VWA3B: variants seen among roughly 807,000 people sequenced by gnomAD.
The protein encoded by VWA3B is von Willebrand factor A domain-containing protein 3B.
In VWA3B, 138 loss-of-function variants were observed where a neutral mutation model predicts 158.3. The observed-to-expected ratio is 0.87, with a 90% CI of 0.76 to 1.00. VWA3B has a LOEUF of 1.00. Among genes scored for constraint, VWA3B ranks in the 50% least tolerant of loss-of-function variants. VWA3B has a pLI of 0.00. For missense variants in VWA3B, 1,555 were observed against 1,565.1 expected, an observed-to-expected ratio of 0.99 and a Z score of 0.11; for synonymous variants, 596 against 587.3, an observed-to-expected ratio of 1.01 and a Z score of -0.21.
intron 12 of VWA3B, among the ~76,000 whole-genome samples, chr2:98,202,086 G>T (rs1682594513): frequency 6.6e-6 from 1 of 152,102 alleles, no homozygotes; most frequent in Non-Finnish European, 1.5e-5. Context: ...GTACAGAATT[G>T]ATATGATTTT....
At chr2:98,182,155 A>C (rs1226981167) in intron 9 of VWA3B, among the ~76,000 whole-genome samples, 4 of 152,238 alleles carry the variant, frequency 2.6e-5, no homozygotes, top group Non-Finnish European at 4.4e-5. Context: ...CGCAGCCCAG[A>C]GGAGACACCT....
chr2:98,250,585 T>G lies in VWA3B; in HGVS notation c.2792+149T>G, dbSNP rs572416698. The G allele has an allele frequency of 4.7e-6, 3 of 635,764 alleles. No homozygotes were observed. In the South Asian group the frequency reaches 6.9e-5, roughly 15 times the overall value. The allele number at this position is 635,764 out of a possible 1,614,324, so 39.4% of individuals were successfully genotyped here. A position where few individuals can be genotyped will look rare whatever the true frequency, so the allele number is the denominator to read the frequency against. ...GGCTGGGTGTGGTAGTTCATGCCTG[T>G]AATCCCAGCACTTTGGGAGACTGAG... On this transcript the variant is annotated intron_variant, in intron 20 of 27. Coordinates refer to ENST00000477737, the MANE Select transcript of VWA3B (RefSeq NM_144992.5).
At chr2:98,322,327 G>A in the VWA3B span, among the ~76,000 whole-genome samples, 3 of 152,036 alleles carry the variant, frequency 2.0e-5, no homozygotes, top group Non-Finnish European at 2.9e-5. Context: ...CAACTTTCAG[G>A]GTCAAGGCAA....
At chr2:98,214,770 T>C (rs1427549800) in intron 13 of VWA3B, among the ~76,000 whole-genome samples, 1 of 152,192 alleles carries the variant, frequency 6.6e-6, no homozygotes, top group Non-Finnish European at 1.5e-5. Flanking sequence ...CCCCTGCAGA[T>C]ACGCAGTCGG....
At chr2:98,093,951 C>T (rs929328862) in intron 2 of VWA3B, among the ~76,000 whole-genome samples, 8 of 152,144 alleles carry the variant, frequency 5.3e-5, no homozygotes, top group Non-Finnish European at 1.2e-4. Context: ...GGTTCGTTCA[C>T]GTAGCAAATG....
intron 20 of VWA3B, among the ~76,000 whole-genome samples, chr2:98,252,101 C>A (rs1479943752): frequency 6.6e-6 from 1 of 152,114 alleles, no homozygotes; most frequent in East Asian, 1.9e-4. Context: ...CACCAATGAT[C>A]CTTCTCAGAG....
intron 14 of VWA3B, among the ~76,000 whole-genome samples, chr2:98,222,619 C>A (rs1574124000): frequency 6.6e-6 from 1 of 152,180 alleles, no homozygotes; most frequent in Admixed American, 6.5e-5. Context: ...CCCAGTGACA[C>A]AGGAACACCT....
chr2:98,181,992 C>T (rs1275190938), intron 9 of VWA3B, among the ~76,000 whole-genome samples: 1 of 152,156 alleles, frequency 6.6e-6, no homozygotes, highest in African/African-American at 2.4e-5. Context: ...AGAAGTGTCC[C>T]AATGTGAAAT....
intron 9 of VWA3B, among the ~76,000 whole-genome samples, chr2:98,187,491 A>T (rs967867741): frequency 1.3e-5 from 2 of 152,072 alleles, no homozygotes; most frequent in Admixed American, 6.5e-5. Flanking sequence ...TGAGAATCTC[A>T]GTCCTGCCTC....
chr2:98,321,634 C>T, the VWA3B span, among the ~76,000 whole-genome samples: 1 of 152,178 alleles, frequency 6.6e-6, no homozygotes, highest in Non-Finnish European at 1.5e-5. Flanking sequence ...TGGCCAATTT[C>T]TCTCATTTGG....
intron 26 of VWA3B, among the ~76,000 whole-genome samples, chr2:98,310,914 G>A (rs1690846724): frequency 6.6e-6 from 1 of 152,204 alleles, no homozygotes; most frequent in Admixed American, 6.5e-5. Context: ...TCTTTCACAA[G>A]GGATTTGAAT....
At chr2:98,272,772 T>C (rs1329613189) in intron 22 of VWA3B, among the ~76,000 whole-genome samples, 3 of 152,214 alleles carry the variant, frequency 2.0e-5, no homozygotes, top group Non-Finnish European at 4.4e-5. Context: ...CATGTAAATA[T>C]ATATATGCCA....
At chr2:98,289,925 T>A (rs1689385814) in intron 22 of VWA3B, among the ~76,000 whole-genome samples, 1 of 152,240 alleles carries the variant, frequency 6.6e-6, no homozygotes, top group African/African-American at 2.4e-5. Context: ...GGAGGGCAGA[T>A]ATTGCCCTTG....
intron 7 of VWA3B, among the ~76,000 whole-genome samples, chr2:98,136,751 G>A (rs1676316647): frequency 6.6e-6 from 1 of 152,164 alleles, no homozygotes; most frequent in Non-Finnish European, 1.5e-5. Flanking sequence ...AGGTTCCAAT[G>A]TATGAATTTT....
At chr2:98,227,846 G>A (rs1010986922) in intron 14 of VWA3B, among the ~76,000 whole-genome samples, 5 of 152,162 alleles carry the variant, frequency 3.3e-5, no homozygotes, top group Non-Finnish European at 7.3e-5. Flanking sequence ...TTTTGCAGGT[G>A]GGAATGTCAA....
At chr2:98,173,465 G>T (rs1024658950) in intron 8 of VWA3B, among the ~76,000 whole-genome samples, 4 of 152,176 alleles carry the variant, frequency 2.6e-5, no homozygotes, top group African/African-American at 9.7e-5. Context: ...GCATTTTCCA[G>T]ACAAAAAGCA....
In VWA3B at chr2:98,093,063, G is replaced by A; in HGVS notation, c.-30G>A. ...TGAGTTTATGATTGCCCTTACAGGA[G>A]TTTGCTGTGACTTAGATCTTGATTC... On this transcript the variant is annotated splice_region_variant and 5_prime_UTR_variant, in exon 2 of 28. Coordinates refer to ENST00000477737, the MANE Select transcript of VWA3B (RefSeq NM_144992.5). The A allele has an allele frequency of 6.2e-7, 1 of 1,606,808 alleles. No individual in the cohort carries two copies. The highest frequency in any genetic ancestry group is 8.5e-7 in the Non-Finnish European group (1 of 1,174,736).
At position 98,181,167 on chromosome 2, in the gene VWA3B, G is replaced by A; in HGVS notation, c.1266G>A (p.Val422=). ...DCSFRHADGV[V]DIKAKPENES... The stretch of plus-strand genomic sequence containing the variant: ...CTTTCCGCCACGCTGATGGGGTTGT[G>A]GATATAAAAGCCAAACCGGAGAATG... Residue 422 remains valine, a synonymous_variant, in exon 9 of 28, where the codon GTG becomes GTA. Transcript: ENST00000477737. 6.2e-7 allele frequency: 1 copy of A among 1,614,234 alleles called. No homozygotes were observed. The highest frequency in any genetic ancestry group is 8.5e-7 in the Non-Finnish European group (1 of 1,180,046).
At chr2:98,108,380 T>C (rs1484207957) in intron 2 of VWA3B, among the ~76,000 whole-genome samples, 1 of 152,234 alleles carries the variant, frequency 6.6e-6, no homozygotes, top group Admixed American at 6.5e-5. Context: ...ATCCTGTTCA[T>C]TGATGGTGTT....
Sources: gnomAD v4.1 joint callset for allele counts (sites outside exome capture counted in the v4.1 genomes callset) on GRCh38, gnomAD v4.1.1 for gene constraint, MANE v1.5 for transcripts, NCBI Gene and HGNC (gene_info 2026-07-23, HGNC 2026-07-21) for gene names.